The following EIF2A variants were observed in gnomAD, a reference collection of about 807,000 sequenced individuals.
The protein encoded by EIF2A is eukaryotic translation initiation factor 2A.
EIF2A carries 62 observed loss-of-function variants against 75.2 expected under a neutral mutation model. That is an observed-to-expected ratio of 0.82 (90% confidence interval 0.67 to 1.02). The LOEUF (loss-of-function observed/expected upper bound fraction) is 1.02, where lower values mean the gene tolerates loss of function less well. Among genes scored for constraint, EIF2A ranks in the 50% least tolerant of loss-of-function variants. The pLI is 0.00. For missense variants in EIF2A, 611 were observed against 677.7 expected (o/e 0.90, Z 1.09); for synonymous variants, 207 against 239.0 (o/e 0.87, Z 1.23).
In EIF2A at chr3:150,568,279, T is replaced by C; in HGVS notation, c.798T>C (p.Ala266=). 2.5e-6 allele frequency: 4 copies of C among 1,611,528 alleles called. No individual in the cohort carries two copies. Among genetic ancestry groups the C allele is most frequent in the Non-Finnish European group, 3.4e-6 (4 of 1,179,106 alleles). ...LHYIATNGES[A]VVQLPKNGPI... Reference sequence around the variant, plus strand: ...ACATTGCAACAAATGGAGAAAGTGCTGTAGTGCAATTACGTGAGTATTCCA... The same window carrying C: ...ACATTGCAACAAATGGAGAAAGTGCCGTAGTGCAATTACGTGAGTATTCCA... The change falls in exon 9 of 14, where the codon GCT becomes GCC. Residue 266 remains alanine, a synonymous_variant. Coordinates refer to ENST00000460851, the MANE Select transcript of EIF2A (RefSeq NM_032025.5).
At chr3:150,570,740 T>C (rs1724460287) in intron 9 of EIF2A, among the ~76,000 whole-genome samples, 1 of 152,068 alleles carries the variant, frequency 6.6e-6, no homozygotes, top group Non-Finnish European at 1.5e-5. Context: ...AGTTGAAGGA[T>C]AGTGAGGGGG....
Position 150,564,401 on chromosome 3 carries a change from A to G in EIF2A, c.475+20A>G, listed in dbSNP as rs750479183. ...ATTTTAGTATGGAAAGATTTATGACATAATTTTATTACTTACTGTAATCGT... is the reference window on the plus strand; with the variant it reads ...ATTTTAGTATGGAAAGATTTATGACGTAATTTTATTACTTACTGTAATCGT... On this transcript the variant is annotated intron_variant, in intron 6 of 13. Coordinates refer to ENST00000460851, the MANE Select transcript of EIF2A (RefSeq NM_032025.5). 5.4e-5 allele frequency: 84 copies of G among 1,554,432 alleles called. No individual in the cohort carries two copies. The highest frequency in any genetic ancestry group is 8.0e-5 in the Admixed American group (4 of 50,044).
chr3:150,583,956 C>T lies in EIF2A; in HGVS notation c.*45C>T. ...TGATGACCAGAAATCAGTGCAAACA[C>T]ATCTTCTGTTAAACCCATTGGTATA... On this transcript the variant is annotated 3_prime_UTR_variant, in exon 14 of 14. Transcript: ENST00000460851. 6.3e-7 allele frequency: 1 copy of T among 1,585,664 alleles called. No individual in the cohort carries two copies. The highest frequency in any genetic ancestry group is 1.1e-5 in the South Asian group (1 of 90,088).
At chr3:150,551,498 T>C (rs1406709125) in intron 1 of EIF2A, among the ~76,000 whole-genome samples, 1 of 151,646 alleles carries the variant, frequency 6.6e-6, no homozygotes, top group Non-Finnish European at 1.5e-5. Flanking sequence ...TTTGTGAGGC[T>C]GAGGAGGGAG....
rs140422024 is a variant in EIF2A, at chr3:150,570,672, A to G, written c.812-1286A>G. Reference sequence around the variant, plus strand: ...AATTTAAAAAATACAAATGAAAACAAGATAGACATTTTCACTTAGTAGGCT... The same window carrying G: ...AATTTAAAAAATACAAATGAAAACAGGATAGACATTTTCACTTAGTAGGCT... On this transcript the variant is annotated intron_variant, in intron 9 of 13. Transcript: ENST00000460851. 4.6e-5 allele frequency among the ~76,000 whole-genome samples: 7 copies of G among 152,338 alleles called. No homozygotes were observed. The East Asian group carries it at 1.3e-3, about 29-fold the overall frequency.
intron 13 of EIF2A, among the ~76,000 whole-genome samples, 153 bp from the exon 14 acceptor site, chr3:150,583,693 T>TTC: frequency 6.8e-6 from 1 of 147,914 alleles, no homozygotes; most frequent in Non-Finnish European, 1.5e-5. Context: ...TCATACCAGA[T>TTC]AACAAATTAG....
intron 12 of EIF2A, among the ~76,000 whole-genome samples, chr3:150,582,562 T>C (rs560419811): frequency 2.0e-4 from 31 of 151,794 alleles, no homozygotes; most frequent in African/African-American, 7.2e-4. Flanking sequence ...GATCTGCCTG[T>C]CTCAGCCTCC....
intron 1 of EIF2A, among the ~76,000 whole-genome samples, chr3:150,548,806 A>G (rs190172466): frequency 6.6e-6 from 1 of 152,328 alleles, no homozygotes; most frequent in East Asian, 1.9e-4. Context: ...TCTACTCTTC[A>G]TATTCTCATA....
Position 150,585,975 on chromosome 3 carries a change from A to G in EIF2A, c.*2064A>G, listed in dbSNP as rs536926601. Among the ~76,000 whole-genome samples the G allele has an allele frequency of 6.6e-6, 1 of 152,316 alleles. No homozygotes were observed. The highest frequency in any genetic ancestry group is 2.1e-4 in the South Asian group (1 of 4,826). On this transcript the variant is annotated 3_prime_UTR_variant, in exon 14 of 14. Coordinates refer to ENST00000460851, the MANE Select transcript of EIF2A (RefSeq NM_032025.5). ...GTGATATCCTCATCTCAGACTTCTA[A>G]CCTCCAGAACTGTGAGAAAATAAAC...
rs1408045966 is a variant in EIF2A at position 150,552,243 on chromosome 3, T to C, written c.29-113T>C. ...TAATATTCTATAGTTCAATGAAATA[T>C]TTAATGATTTCATTAATATTTTGAC... On this transcript the variant is annotated intron_variant, in intron 1 of 13. Coordinates refer to ENST00000460851, the MANE Select transcript of EIF2A (RefSeq NM_032025.5). 6 of 816,930 alleles carry C rather than the reference T, an allele frequency of 7.3e-6. No homozygotes were observed. The African/African-American group carries it at 8.7e-5, about 12-fold the overall frequency. The allele number at this position is 816,930 out of a possible 1,614,324, so 50.6% of individuals were successfully genotyped here.
At chr3:150,571,882 A>G (rs1724545310) in intron 9 of EIF2A, 76 bp from the exon 10 acceptor site, 2 of 1,345,082 alleles carry the variant, frequency 1.5e-6, no homozygotes, top group Non-Finnish European at 2.0e-6. Flanking sequence ...TGTGAGTACT[A>G]TATGATGGTA....
intron 1 of EIF2A, among the ~76,000 whole-genome samples, chr3:150,550,375 C>T (rs940792538): frequency 6.6e-6 from 1 of 152,048 alleles, no homozygotes; most frequent in Admixed American, 6.5e-5. Context: ...TTTTTAGTCC[C>T]TATTTATTTT....
At chr3:150,580,511 C>T (rs372741631) in intron 11 of EIF2A, among the ~76,000 whole-genome samples, 6 of 152,276 alleles carry the variant, frequency 3.9e-5, no homozygotes, top group African/African-American at 9.6e-5. Flanking sequence ...TGAATGACCA[C>T]GGCTATAACT....
rs1417100276 is a variant in EIF2A, at chr3:150,570,566, T to TA, written c.812-1381dup. Reference sequence around the variant, plus strand: ...TGGTGACAAAATGAGACCATCTCTTTAAAAAAAAAAAGAAGAAGAAAAAAA... The same window carrying TA: ...TGGTGACAAAATGAGACCATCTCTTTAAAAAAAAAAAAGAAGAAGAAAAAAA... On this transcript the variant is annotated intron_variant, in intron 9 of 13. Coordinates refer to ENST00000460851, the MANE Select transcript of EIF2A (RefSeq NM_032025.5). Among the ~76,000 whole-genome samples, 414 of 126,948 alleles carry TA rather than the reference T, an allele frequency of 3.3e-3. 1 individual carries two copies. The highest frequency in any genetic ancestry group is 0.011 in the African/African-American group (360 of 34,242). The allele number at this position is 126,948 out of a possible 152,430, so 83.3% of individuals were successfully genotyped here. A position where few individuals can be genotyped will look rare whatever the true frequency, so the allele number is the denominator to read the frequency against.
chr3:150,564,380 T>G lies in EIF2A; in HGVS notation c.474T>G (p.Phe158Leu), dbSNP rs757486173. 1 of 1,587,456 alleles carries G rather than the reference T, an allele frequency of 6.3e-7. No homozygotes were observed. The highest frequency in any genetic ancestry group is 1.8e-5 in the Admixed American group (1 of 54,992). Residue 158 changes from phenylalanine to leucine, a missense_variant and splice_region_variant, in exon 6 of 14, where the codon TTT (phenylalanine) becomes TTG (leucine). Physicochemically the swap from Phe to Leu is conservative, Grantham distance 22. Transcript: ENST00000460851. ...NEVHFFENNN[F>L]NTIANKLHLQ... ...TTCACTTCTTTGAAAACAACAATTT[T>G]AGTATGGAAAGATTTATGACATAAT...
At chr3:150,552,669 ACT>A in intron 2 of EIF2A, 1 of 315,730 alleles carries the variant, frequency 3.2e-6, no homozygotes, top group Non-Finnish European at 5.8e-6. Context: ...AAGTGTAGAC[ACT>A]AGTGTAATTG....
At chr3:150,547,042 C>T in intron 1 of EIF2A, 1 of 601,014 alleles carries the variant, frequency 1.7e-6, no homozygotes, top group Non-Finnish European at 2.9e-6. Context: ...CCCTTTCACC[C>T]ATCCATCATT....
rs906517686 is a variant in EIF2A, at chr3:150,558,567, T to G, written c.173+105T>G. The G allele has an allele frequency of 1.3e-4, 134 of 1,034,698 alleles. 2 individuals are homozygous for G. Among genetic ancestry groups the G allele is most frequent in the Non-Finnish European group, 1.1e-4 (80 of 761,572 alleles). 64.1% of individuals were successfully genotyped at this position (1,034,698 alleles called of 1,614,324 possible). ...AGTGTCATTAATAAAATCCGTCTTT[T>G]AATGTCATGATGTAGTGAGATATTA... is the stretch of plus-strand genomic sequence containing the variant. On this transcript the variant is annotated intron_variant, in intron 3 of 13. Transcript: ENST00000460851.
In EIF2A at chr3:150,571,984, G is replaced by A. The variant is rs574153109; in HGVS notation, c.838G>A (p.Val280Ile). Reference sequence around the variant, plus strand: ...AAAAAATGGCCCCATTTATGATGTAGTTTGGAATTCTAGTTCTACTGAGTT... The same window carrying A: ...AAAAAATGGCCCCATTTATGATGTAATTTGGAATTCTAGTTCTACTGAGTT... ...LPKNGPIYDV[V>I]WNSSSTEFCA... Residue 280 changes from valine to isoleucine, a missense_variant, in exon 10 of 14, where the codon GTT (valine) becomes ATT (isoleucine). By Grantham distance (29) the Val-to-Ile change is conservative. Transcript: ENST00000460851. The A allele has an allele frequency of 3.7e-6, 6 of 1,610,926 alleles. No individual in the cohort carries two copies. The East Asian group carries it at 1.1e-4, about 30-fold the overall frequency.
Sources: allele counts gnomAD v4.1 joint callset (sites outside exome capture counted in the v4.1 genomes callset), GRCh38; gene constraint gnomAD v4.1.1; transcripts MANE v1.5; gene names NCBI Gene and HGNC (gene_info 2026-07-23, HGNC 2026-07-21).